The following SGCZ variants were observed in gnomAD, a reference collection of about 807,000 sequenced individuals.
SGCZ encodes the protein zeta-sarcoglycan.
Under a neutral mutation model 41.3 loss-of-function variants are expected in SGCZ, and 40 were observed. That is an observed-to-expected ratio of 0.97 (90% confidence interval 0.75 to 1.26). The LOEUF is 1.26. Among genes scored for constraint, SGCZ ranks in the 50% most tolerant of loss-of-function variants. SGCZ has a pLI of 0.00. For synonymous variants in SGCZ, 206 were observed against 137.5 expected (o/e 1.50, Z -3.49); for missense variants, 552 against 369.8 (o/e 1.49, Z -4.04).
chr8:14,331,105 T>C (rs1345504370), intron 2 of SGCZ, among the ~76,000 whole-genome samples: 1 of 151,714 alleles, frequency 6.6e-6, no homozygotes, highest in African/African-American at 2.4e-5. Context: ...GAGGAAAAAA[T>C]CTTAAAGACA....
At chr8:15,104,932 T>C (rs1224524283) in intron 1 of SGCZ, among the ~76,000 whole-genome samples, 3 of 152,232 alleles carry the variant, frequency 2.0e-5, no homozygotes, top group African/African-American at 7.2e-5. Flanking sequence ...TTGTTGTTGT[T>C]GTTGCTGTTT....
chr8:14,196,333 C>T (rs1805266346), intron 4 of SGCZ, among the ~76,000 whole-genome samples: 1 of 150,872 alleles, frequency 6.6e-6, no homozygotes, highest in Non-Finnish European at 1.5e-5. Flanking sequence ...GTGTGATCTC[C>T]TGTCACAGCA....
intron 1 of SGCZ, among the ~76,000 whole-genome samples, chr8:14,930,305 A>G (rs765850286): frequency 2.4e-4 from 37 of 152,082 alleles, no homozygotes; most frequent in Admixed American, 4.6e-4. Flanking sequence ...CATGCCAGTT[A>G]GAATGGCGAT....
intron 1 of SGCZ, among the ~76,000 whole-genome samples, chr8:14,947,191 G>A (rs1800480710): frequency 6.6e-6 from 1 of 152,168 alleles, no homozygotes; most frequent in African/African-American, 2.4e-5. Flanking sequence ...AGCTGTTCCT[G>A]CCGTAAGCGA....
At chr8:14,591,372 C>T (rs937738894) in intron 1 of SGCZ, among the ~76,000 whole-genome samples, 2 of 151,898 alleles carry the variant, frequency 1.3e-5, no homozygotes, top group Non-Finnish European at 2.9e-5. Context: ...TGTTATTAAT[C>T]TTATATTTCA....
intron 1 of SGCZ, among the ~76,000 whole-genome samples, chr8:14,604,477 G>C (rs1347065096): frequency 2.0e-5 from 3 of 152,004 alleles, no homozygotes; most frequent in Non-Finnish European, 4.4e-5. Flanking sequence ...TAATTATTGA[G>C]ACATAGGCAT....
chr8:14,276,480 T>C (rs577353038), intron 3 of SGCZ, among the ~76,000 whole-genome samples: 1 of 152,294 alleles, frequency 6.6e-6, no homozygotes, highest in African/African-American at 2.4e-5. Context: ...GCTCTTGATA[T>C]ATTTCTCTCC....
At chr8:14,783,277 T>TA (rs1049781245) in intron 1 of SGCZ, among the ~76,000 whole-genome samples, 2 of 151,970 alleles carry the variant, frequency 1.3e-5, no homozygotes, top group African/African-American at 2.4e-5. Flanking sequence ...CTACTGAAGA[T>TA]ACAAAAATTA....
At chr8:14,555,238 C>A (rs916729515) in intron 1 of SGCZ, among the ~76,000 whole-genome samples, 1 of 151,996 alleles carries the variant, frequency 6.6e-6, no homozygotes, top group African/African-American at 2.4e-5. Context: ...TTACCGGTAA[C>A]TAAAGAACTC....
chr8:14,126,294 C>A (rs568204501), intron 5 of SGCZ, among the ~76,000 whole-genome samples: 4 of 152,180 alleles, frequency 2.6e-5, no homozygotes. Context: ...GAGAAAACAA[C>A]AATCCCATCA....
At chr8:14,217,368 T>A (rs1045622856) in intron 4 of SGCZ, among the ~76,000 whole-genome samples, 2 of 149,556 alleles carry the variant, frequency 1.3e-5, no homozygotes, top group East Asian at 2.0e-4. Flanking sequence ...AATGGATACA[T>A]GTATAACTGG....
intron 5 of SGCZ, among the ~76,000 whole-genome samples, chr8:14,137,600 G>T (rs1318809918): frequency 6.6e-6 from 1 of 152,090 alleles, no homozygotes; most frequent in Non-Finnish European, 1.5e-5. Context: ...CCAAATAAAT[G>T]ACATGAAGTG....
At chr8:15,010,581 G>T (rs1056339972) in intron 1 of SGCZ, among the ~76,000 whole-genome samples, 1 of 152,080 alleles carries the variant, frequency 6.6e-6, no homozygotes, top group African/African-American at 2.4e-5. Context: ...CTAATCATGC[G>T]CTTAGACAAT....
chr8:14,421,164 A>G (rs1032986095), intron 2 of SGCZ, among the ~76,000 whole-genome samples: 27 of 152,250 alleles, frequency 1.8e-4, no homozygotes, highest in African/African-American at 6.5e-4. Flanking sequence ...TCGTATGACC[A>G]GTCTAACATT....
chr8:14,885,289 G>C (rs1019595488), intron 1 of SGCZ, among the ~76,000 whole-genome samples: 3 of 152,174 alleles, frequency 2.0e-5, no homozygotes, highest in Non-Finnish European at 4.4e-5. Flanking sequence ...ATGATTCATA[G>C]TGGGTGTTTG....
intron 4 of SGCZ, 131 bp from the exon 5 acceptor site, chr8:14,164,833 G>C: frequency 8.7e-7 from 1 of 1,145,652 alleles, no homozygotes; most frequent in Non-Finnish European, 1.2e-6. Flanking sequence ...TTGCATCTGA[G>C]TTAGTATCTT....
At chr8:14,387,877 T>C (rs550506768) in intron 2 of SGCZ, among the ~76,000 whole-genome samples, 1 of 152,206 alleles carries the variant, frequency 6.6e-6, no homozygotes, top group South Asian at 2.1e-4. Context: ...ATAATAAATG[T>C]ATCAAAACCC....
At chr8:14,604,621 A>G (rs1231987705) in intron 1 of SGCZ, among the ~76,000 whole-genome samples, 1 of 152,190 alleles carries the variant, frequency 6.6e-6, no homozygotes, top group Admixed American at 6.5e-5. Context: ...CCTCCAAGAT[A>G]TGACTGTCAA....
intron 1 of SGCZ, among the ~76,000 whole-genome samples, chr8:14,742,482 A>G (rs1209406209): frequency 6.6e-6 from 1 of 152,086 alleles, no homozygotes. Context: ...TAGTGAGCAA[A>G]GACAATTTGG....
Sources: gnomAD v4.1 joint callset for allele counts (sites outside exome capture counted in the v4.1 genomes callset) on GRCh38, gnomAD v4.1.1 for gene constraint, MANE v1.5 for transcripts, NCBI Gene and HGNC (gene_info 2026-07-23, HGNC 2026-07-21) for gene names.